Variants in MCTP2 observed in about 807,000 individuals in gnomAD.
MCTP2 encodes multiple C2 and transmembrane domain containing 2.
MCTP2 carries 132 observed loss-of-function variants against 111.6 expected under a neutral mutation model. The observed-to-expected ratio is 1.18, with a 90% confidence interval of 1.03 to 1.37. MCTP2 has a LOEUF of 1.37. MCTP2 is among the 40% of genes most tolerant of loss of function. The pLI, the probability that MCTP2 is intolerant of heterozygous loss-of-function variation, is 0.00. For missense variants in MCTP2, 1,183 were observed against 1,067.9 expected, an observed-to-expected ratio of 1.11 and a Z score of -1.50; for synonymous variants, 395 against 387.7, an observed-to-expected ratio of 1.02 and a Z score of -0.22.
chr15:94,305,050 C>G (rs1231422067), intron 2 of MCTP2, among the ~76,000 whole-genome samples: 1 of 152,046 alleles, frequency 6.6e-6, no homozygotes, highest in African/African-American at 2.4e-5. Context: ...AGAGTCATTG[C>G]TTGGATTGAA....
chr15:94,266,677 C>G (rs574211580), intron 1 of MCTP2, among the ~76,000 whole-genome samples: 2 of 152,248 alleles, frequency 1.3e-5, no homozygotes, highest in Non-Finnish European at 2.9e-5. Context: ...GTATCAGAGG[C>G]AAGGCAGAGA....
chr15:94,269,747 T>A (rs904506452), intron 1 of MCTP2, among the ~76,000 whole-genome samples: 4 of 152,154 alleles, frequency 2.6e-5, no homozygotes, highest in Non-Finnish European at 5.9e-5. Context: ...TATTCCCGAG[T>A]TCACAGAAAG....
intron 2 of MCTP2, among the ~76,000 whole-genome samples, chr15:94,311,005 T>C (rs1671839): frequency 6.7e-6 from 1 of 148,224 alleles, no homozygotes; most frequent in African/African-American, 2.5e-5. Flanking sequence ...TTACATTTAT[T>C]GGGAACTTTC....
intron 1 of MCTP2, among the ~76,000 whole-genome samples, chr15:94,245,432 T>TTA (rs1277832332): frequency 8.8e-6 from 1 of 114,114 alleles, no homozygotes; most frequent in Non-Finnish European, 1.9e-5. Context: ...GTGTATATAT[T>TTA]TATATATACA....
At chr15:94,390,090 GTATATATATATATATATATATATGTATA>G (rs1819564986) in intron 14 of MCTP2, among the ~76,000 whole-genome samples, 1 of 64,924 alleles carries the variant, frequency 1.5e-5, no homozygotes, top group Non-Finnish European at 3.7e-5. Context: ...ATATATATAT[GTATATATATATATATATATATATGTATA>G]TATATATATA....
intron 2 of MCTP2, among the ~76,000 whole-genome samples, chr15:94,309,644 T>C (rs1187214951): frequency 6.6e-6 from 1 of 152,228 alleles, no homozygotes; most frequent in Non-Finnish European, 1.5e-5. Context: ...CTCAAAGTCC[T>C]TGGTGACTAG....
rs1471543857 is a variant in MCTP2, at chr15:94,398,976, C to G, written c.1804C>G (p.Pro602Ala). The change falls in exon 15 of 23, where the codon CCG becomes GCG. Residue 602 changes from proline to alanine, a missense_variant. Pro to Ala is a conservative substitution (Grantham distance 27). Coordinates refer to ENST00000357742, the MANE Select transcript of MCTP2 (RefSeq NM_001385001.1). ...IPLLSIRDGQ[P>A]NCYVLKNKDL... ...TTTGTGACAGATTAGAGATGGACAA[C>G]CGAATTGTTATGTACTAAAGAATAA... is the stretch of plus-strand genomic sequence containing the variant. 1 of 1,553,486 alleles carries G rather than the reference C, an allele frequency of 6.4e-7. No homozygotes were observed. The highest frequency in any genetic ancestry group is 2.2e-5 in the East Asian group (1 of 44,518).
At chr15:94,298,871 TCC>T (rs2075422381) in intron 2 of MCTP2, 141 bp downstream of exon 2, 3 of 221,100 alleles carry the variant, frequency 1.4e-5, no homozygotes, top group Non-Finnish European at 2.2e-5. Flanking sequence ...CCTCTCTCTC[TCC>T]CCCTCCCCCC....
At chr15:94,456,594 C>G (rs1325299019) in intron 19 of MCTP2, among the ~76,000 whole-genome samples, 1 of 152,108 alleles carries the variant, frequency 6.6e-6, no homozygotes, top group African/African-American at 2.4e-5. Context: ...GGCAGCATAT[C>G]TAATTTGTAG....
chr15:94,380,741 C>T (rs768063426), intron 12 of MCTP2, among the ~76,000 whole-genome samples: 22 of 151,172 alleles, frequency 1.5e-4, no homozygotes, highest in Non-Finnish European at 3.1e-4. Flanking sequence ...TCACTCTAGC[C>T]TAGGCAACAG....
intron 1 of MCTP2, among the ~76,000 whole-genome samples, chr15:94,289,721 G>A (rs1488786912): frequency 1.3e-5 from 2 of 152,096 alleles, no homozygotes; most frequent in African/African-American, 4.8e-5. Context: ...ATTATATTAT[G>A]GGAGAAGAGA....
intron 4 of MCTP2, among the ~76,000 whole-genome samples, chr15:94,322,036 C>T (rs146379682): frequency 1.4e-3 from 218 of 152,286 alleles, no homozygotes; most frequent in Non-Finnish European, 2.4e-3. Context: ...CTTGCTGTCT[C>T]AGGAGATGCA....
At chr15:94,405,739 A>G (rs1363990118) in intron 17 of MCTP2, among the ~76,000 whole-genome samples, 1 of 152,208 alleles carries the variant, frequency 6.6e-6, no homozygotes, top group African/African-American at 2.4e-5. Flanking sequence ...AAGTTTCTAT[A>G]GACTCAGTTC....
intron 10 of MCTP2, 80 bp from the exon 11 acceptor site, chr15:94,367,525 C>G: frequency 8.7e-7 from 1 of 1,151,538 alleles, no homozygotes; most frequent in Non-Finnish European, 1.2e-6. Flanking sequence ...ATGATGAAAT[C>G]AAAGCCAGGT....
At chr15:94,346,855 C>G (rs111765223) in intron 8 of MCTP2, among the ~76,000 whole-genome samples, 4,557 of 152,070 alleles carry the variant, frequency 0.03, 224 homozygotes, top group African/African-American at 0.1. Context: ...TCCCGGAGAG[C>G]AGTATTTATA....
chr15:94,249,458 G>A (rs1596176351), intron 1 of MCTP2, among the ~76,000 whole-genome samples: 1 of 151,920 alleles, frequency 6.6e-6, no homozygotes, highest in East Asian at 1.9e-4. Context: ...TCAAGTGAAT[G>A]ACATCATATT....
At chr15:94,258,179 T>A (rs1043751011) in intron 1 of MCTP2, among the ~76,000 whole-genome samples, 3 of 151,920 alleles carry the variant, frequency 2.0e-5, no homozygotes, top group Admixed American at 2.0e-4. Context: ...CCTGGCCACA[T>A]ATTGAACATT....
chr15:94,390,244 AC>A (rs1384937255), intron 14 of MCTP2, among the ~76,000 whole-genome samples: 2 of 151,666 alleles, frequency 1.3e-5, no homozygotes, highest in African/African-American at 4.9e-5. Flanking sequence ...GATATAGAAT[AC>A]TTTTTAATAA....
intron 20 of MCTP2, among the ~76,000 whole-genome samples, chr15:94,466,892 CTA>C (rs1212213999): frequency 4.6e-5 from 7 of 152,022 alleles, no homozygotes; most frequent in African/African-American, 1.7e-4. Context: ...ATGATAAAGT[CTA>C]TTCCTTTTTA....
Sources: gnomAD v4.1 joint callset for allele counts (sites outside exome capture counted in the v4.1 genomes callset) on GRCh38, gnomAD v4.1.1 for gene constraint, MANE v1.5 for transcripts, NCBI Gene and HGNC (gene_info 2026-07-23, HGNC 2026-07-21) for gene names.